Variants in ENPP1 observed in about 807,000 individuals in gnomAD.
ENPP1 encodes the protein ectonucleotide pyrophosphatase/phosphodiesterase 1.
ENPP1 carries 73 observed loss-of-function variants against 122.8 expected under a neutral mutation model. The observed-to-expected ratio is 0.59, with a 90% confidence interval of 0.49 to 0.72. The LOEUF (loss-of-function observed/expected upper bound fraction) is 0.72. Among genes scored for constraint, ENPP1 ranks in the 30% least tolerant of loss-of-function variants. The probability of loss-of-function intolerance (pLI) is 0.00; values close to 1 mark genes in which losing one functional copy is unlikely to be tolerated. For synonymous variants in ENPP1, 367 were observed against 391.6 expected, an observed-to-expected ratio of 0.94 and a Z score of 0.74; for missense variants, 978 against 1,128.1, an observed-to-expected ratio of 0.87 and a Z score of 1.91.
chr6:131,869,406 T>A lies in ENPP1; in HGVS notation c.1322T>A (p.Leu441Ter). ...AAATACATATATCTGAATAAATATT[T>A]GGGGGATGTTAAAAATATTAAAGTT... The part of the protein sequence containing the change: ...CKKYIYLNKY[L>*]GDVKNIKVIY... The change falls in exon 13 of 25, where the codon TTG becomes TAG. Residue 441 changes from leucine (L) to a stop codon, truncating the protein, a stop_gained. Transcript: ENST00000647893. LOFTEE classifies it high-confidence loss of function. 3.1e-6 allele frequency: 5 copies of A among 1,613,036 alleles called. No homozygotes were observed. The highest frequency in any genetic ancestry group is 4.2e-6 in the Non-Finnish European group (5 of 1,179,132).
At chr6:131,843,233 A>G (rs972028457) in intron 1 of ENPP1, among the ~76,000 whole-genome samples, 10 of 152,330 alleles carry the variant, frequency 6.6e-5, no homozygotes, top group Non-Finnish European at 7.4e-5. Flanking sequence ...GGTGTTTTGT[A>G]ACAAAGTAGT....
chr6:131,861,779 T>A (rs917703050), intron 9 of ENPP1, 75 bp downstream of exon 9: 5 of 854,300 alleles, frequency 5.9e-6, no homozygotes, highest in Non-Finnish European at 1.0e-5. Flanking sequence ...TTTTATTGAA[T>A]CCTGAGCTTT....
At chr6:131,880,462 G>T (rs1489890162) in intron 20 of ENPP1, among the ~76,000 whole-genome samples, 1 of 151,832 alleles carries the variant, frequency 6.6e-6, no homozygotes, top group Non-Finnish European at 1.5e-5. Context: ...TACTCAGGAG[G>T]CTGAGGCAGG....
intron 1 of ENPP1, 92 bp downstream of exon 1, chr6:131,808,367 G>T: frequency 1.5e-6 from 2 of 1,353,904 alleles, no homozygotes; most frequent in Non-Finnish European, 1.9e-6. Flanking sequence ...AGTCAGCACC[G>T]GGCACCGGAG....
intron 7 of ENPP1, 110 bp from the exon 8 acceptor site, chr6:131,860,277 A>G: frequency 2.3e-6 from 2 of 854,348 alleles, no homozygotes; most frequent in Non-Finnish European, 3.7e-6. Flanking sequence ...TAAACTTATT[A>G]TAATTCCATG....
intron 1 of ENPP1, among the ~76,000 whole-genome samples, chr6:131,812,538 C>T (rs1781366990): frequency 6.6e-6 from 1 of 152,144 alleles, no homozygotes; most frequent in South Asian, 2.1e-4. Context: ...CAGTGAGAAA[C>T]TTATAAGGCC....
At chr6:131,861,748 C>T in intron 9 of ENPP1, 44 bp downstream of exon 9, 2 of 1,057,020 alleles carry the variant, frequency 1.9e-6, no homozygotes. Context: ...TATAGAACAG[C>T]TTATTCTTAT....
At chr6:131,871,732 T>G (rs2114714092) in intron 13 of ENPP1, among the ~76,000 whole-genome samples, 1 of 152,244 alleles carries the variant, frequency 6.6e-6, no homozygotes, top group South Asian at 2.1e-4. Flanking sequence ...ATGATGGATA[T>G]TGGTTACTAA....
intron 1 of ENPP1, chr6:131,827,302 T>C (rs1199244403): frequency 3.0e-6 from 4 of 1,350,594 alleles, no homozygotes; most frequent in East Asian, 4.6e-5. Context: ...TCATACTGAT[T>C]AGCCAGATGA....
chr6:131,874,615 A>G (rs1267862270), intron 16 of ENPP1, among the ~76,000 whole-genome samples: 8 of 152,152 alleles, frequency 5.3e-5, no homozygotes, highest in Non-Finnish European at 1.2e-4. Flanking sequence ...TACAACCTCT[A>G]TGGATCACTG....
intron 18 of ENPP1, chr6:131,877,867 ATATAT>A (rs1191112235): frequency 1.1e-3 from 33 of 30,662 alleles, no homozygotes; most frequent in South Asian, 5.4e-3. Context: ...AAAAAAAAAA[ATATAT>A]ATATATATAT....
At chr6:131,851,330 A>G in intron 4 of ENPP1, 63 bp downstream of exon 4, 1 of 1,607,658 alleles carries the variant, frequency 6.2e-7, no homozygotes, top group Non-Finnish European at 8.5e-7. Context: ...GGGGCTTTAC[A>G]TAGGTGTTAT....
chr6:131,839,780 A>G (rs932423655), intron 1 of ENPP1, among the ~76,000 whole-genome samples: 2 of 152,140 alleles, frequency 1.3e-5, no homozygotes, highest in Non-Finnish European at 2.9e-5. Flanking sequence ...TGTCAATTAA[A>G]TATTCTTCTA....
chr6:131,848,852 G>A (rs141232533), intron 2 of ENPP1, among the ~76,000 whole-genome samples: 333 of 152,276 alleles, frequency 2.2e-3, no homozygotes, highest in Middle Eastern at 6.8e-3. Context: ...GGTCAGGAAA[G>A]TTCGTATTTC....
chr6:131,886,420 G>A, intron 23 of ENPP1, 142 bp from the exon 24 acceptor site: 1 of 651,316 alleles, frequency 1.5e-6, no homozygotes, highest in Non-Finnish European at 2.7e-6. Context: ...GTATGTTGAG[G>A]TATTGTGATT....
intron 1 of ENPP1, chr6:131,827,864 C>T (rs1781564448): frequency 1.1e-5 from 15 of 1,404,738 alleles, no homozygotes; most frequent in Admixed American, 5.1e-5. Flanking sequence ...ATCTTGGACT[C>T]GGAGAGTTTC....
intron 1 of ENPP1, among the ~76,000 whole-genome samples, chr6:131,837,520 CAAAAA>C (rs34431136): frequency 2.2e-3 from 177 of 81,916 alleles, no homozygotes; most frequent in African/African-American, 6.4e-3. Context: ...GACTCTGTCT[CAAAAA>C]AAAAAAAAAA....
At chr6:131,827,710 G>T (rs1781562478) in intron 1 of ENPP1, 1 of 668,554 alleles carries the variant, frequency 1.5e-6, no homozygotes. Context: ...TTCAAAGATG[G>T]CTGTGGCCTC....
chr6:131,851,689 G>A lies in ENPP1; in HGVS notation c.556+422G>A, dbSNP rs576555517. On this transcript the variant is annotated intron_variant, in intron 4 of 24. Coordinates refer to ENST00000647893, the MANE Select transcript of ENPP1 (RefSeq NM_006208.3). Reference sequence around the variant, plus strand: ...CTGTCTGCTGTGCATTGAGAGAGTCGATGTGAAATTGTTTAGAAAGATTCG... The same window carrying A: ...CTGTCTGCTGTGCATTGAGAGAGTCAATGTGAAATTGTTTAGAAAGATTCG... Among the ~76,000 whole-genome samples, 67 of 152,232 alleles carry A rather than the reference G, an allele frequency of 4.4e-4. 1 individual carries two copies. The highest frequency in any genetic ancestry group is 1.5e-3 in the African/African-American group (64 of 41,536).
Sources: gnomAD v4.1 joint callset for allele counts (sites outside exome capture counted in the v4.1 genomes callset) on GRCh38, gnomAD v4.1.1 for gene constraint, MANE v1.5 for transcripts, NCBI Gene and HGNC (gene_info 2026-07-23, HGNC 2026-07-21) for gene names.